The following TYW1 variants were observed in gnomAD, a reference collection of about 807,000 sequenced individuals.
The protein encoded by TYW1 is tRNA-yW synthesizing protein 1 homolog, also known as S-adenosyl-L-methionine-dependent tRNA 4-demethylwyosine synthase TYW1.
A neutral mutation model predicts 96.2 loss-of-function variants in TYW1; 46 were observed. That is an observed-to-expected ratio of 0.48 (90% confidence interval 0.38 to 0.61). TYW1 has a LOEUF of 0.61. Ranked by LOEUF, TYW1 falls within the 20% of genes least tolerant of loss-of-function variation. The pLI is 0.00. For synonymous variants in TYW1, 274 were observed against 323.0 expected, an observed-to-expected ratio of 0.85 and a Z score of 1.63; for missense variants, 684 against 909.6, an observed-to-expected ratio of 0.75 and a Z score of 3.19.
chr7:67,073,555 AG>A (rs1796102593), intron 10 of TYW1, among the ~76,000 whole-genome samples: 1 of 151,432 alleles, frequency 6.6e-6, no homozygotes, highest in African/African-American at 2.4e-5. Flanking sequence ...GCGGATCACG[AG>A]GTCAGGAGTT....
At chr7:67,141,675 C>A (rs1798452689) in intron 13 of TYW1, among the ~76,000 whole-genome samples, 4 of 152,184 alleles carry the variant, frequency 2.6e-5, no homozygotes, top group Admixed American at 2.6e-4. Flanking sequence ...AACCACTGAA[C>A]CTCTGTGAAG....
At chr7:67,121,096 T>C (rs1797745397) in intron 13 of TYW1, among the ~76,000 whole-genome samples, 1 of 152,228 alleles carries the variant, frequency 6.6e-6, no homozygotes, top group African/African-American at 2.4e-5. Flanking sequence ...AATTTTCCTT[T>C]AAATTGACTC....
At chr7:67,012,387 C>T (rs969244537) in intron 4 of TYW1, among the ~76,000 whole-genome samples, 5 of 151,962 alleles carry the variant, frequency 3.3e-5, no homozygotes, top group East Asian at 1.9e-4. Flanking sequence ...AGATGTGGCT[C>T]GTGGATTGTA....
intron 6 of TYW1, among the ~76,000 whole-genome samples, chr7:67,022,907 C>T (rs912492777): frequency 3.3e-5 from 5 of 152,070 alleles, no homozygotes; most frequent in Non-Finnish European, 5.9e-5. Flanking sequence ...AATAGGAGAG[C>T]GTAAGATCGT....
chr7:67,043,787 C>T (rs188947236), intron 7 of TYW1, among the ~76,000 whole-genome samples: 7 of 152,236 alleles, frequency 4.6e-5, no homozygotes, highest in East Asian at 3.9e-4. Context: ...AATAGAATTA[C>T]GGTGTCAGAG....
intron 13 of TYW1, among the ~76,000 whole-genome samples, chr7:67,138,332 AT>A (rs35509436): frequency 0.04 from 6,067 of 151,946 alleles, 172 homozygotes; most frequent in Middle Eastern, 0.1. Flanking sequence ...TTGTTTTTAA[AT>A]TTTAAGTTTT....
Position 67,238,884 on chromosome 7 carries a change from C to A in TYW1, c.*355C>A. ...CGAGAGTGTCAGACAAGGAAGAAGT[C>A]CCTGGGCCTCTTCCCCTTACCCGGC... is the stretch of plus-strand genomic sequence containing the variant. On this transcript the variant is annotated 3_prime_UTR_variant, in exon 16 of 16. Coordinates refer to ENST00000359626, the MANE Select transcript of TYW1 (RefSeq NM_018264.4). 6 of 1,075,052 alleles carry A rather than the reference C, an allele frequency of 5.6e-6. No individual in the cohort carries two copies. The highest frequency in any genetic ancestry group is 6.8e-6 in the Non-Finnish European group (6 of 883,572). 66.6% of individuals were successfully genotyped at this position (1,075,052 alleles called of 1,614,324 possible).
chr7:67,173,294 T>C (rs10256139), intron 13 of TYW1, among the ~76,000 whole-genome samples: 42,148 of 151,714 alleles, frequency 0.28, 6,283 homozygotes, highest in African/African-American at 0.4. Context: ...GTGCTACTTA[T>C]TTGTGGAAGA....
intron 5 of TYW1, among the ~76,000 whole-genome samples, chr7:67,016,559 ATAAAT>A (rs1794031846): frequency 6.6e-6 from 1 of 152,136 alleles, no homozygotes; most frequent in Non-Finnish European, 1.5e-5. Context: ...AAAAAAATAA[ATAAAT>A]AAAATAAAAG....
At position 66,998,198 on chromosome 7, in the gene TYW1, A is replaced by T; in HGVS notation, c.135+3A>T. ...TCCAGATTGTCATCAAGACGCAGGT[A>T]AGTGGAGTTATTTTTTTTTTAATGG... On this transcript the variant is annotated splice_donor_region_variant and intron_variant, in intron 2 of 15. Transcript: ENST00000359626. 6.3e-7 allele frequency: 1 copy of T among 1,591,524 alleles called. No individual in the cohort carries two copies. Among genetic ancestry groups the T allele is most frequent in the East Asian group, 2.2e-5 (1 of 44,744 alleles).
intron 13 of TYW1, among the ~76,000 whole-genome samples, chr7:67,141,998 G>C (rs1272587819): frequency 2.0e-5 from 3 of 152,190 alleles, no homozygotes; most frequent in Admixed American, 6.5e-5. Context: ...TCATGCCATT[G>C]CATTCCAGCC....
At chr7:67,060,264 C>T (rs533868298) in intron 9 of TYW1, among the ~76,000 whole-genome samples, 9 of 152,096 alleles carry the variant, frequency 5.9e-5, no homozygotes, top group South Asian at 2.1e-4. Flanking sequence ...TCAGTAGAGA[C>T]GGGGTTTTGC....
In TYW1 at chr7:66,998,166, A is replaced by G; in HGVS notation, c.106A>G (p.Ile36Val). Residue 36 changes from isoleucine to valine, a missense_variant, in exon 2 of 16, where the codon ATT becomes GTT. By Grantham distance (29) the Ile-to-Val change is conservative. Coordinates refer to ENST00000359626, the MANE Select transcript of TYW1 (RefSeq NM_018264.4). ...LGFAVSISLWICVQIVIKTQG... is the reference protein window; with the variant it reads ...LGFAVSISLWVCVQIVIKTQG... ...CTTTGCTGTTAGCATTAGCCTTTGG[A>G]TTTGTGTCCAGATTGTCATCAAGAC... 1 of 1,609,184 alleles carries G rather than the reference A, an allele frequency of 6.2e-7. No individual in the cohort carries two copies.
At chr7:67,104,933 A>G (rs7794497) in intron 12 of TYW1, among the ~76,000 whole-genome samples, 50,832 of 152,134 alleles carry the variant, frequency 0.33, 9,021 homozygotes, top group African/African-American at 0.45. Context: ...TAATTCTTCA[A>G]ATCAGCCTGG....
intron 14 of TYW1, among the ~76,000 whole-genome samples, chr7:67,189,792 T>C (rs1800152865): frequency 6.6e-6 from 1 of 152,228 alleles, no homozygotes; most frequent in African/African-American, 2.4e-5. Context: ...ATCGATTTCC[T>C]CTTTTCTTTC....
At chr7:67,075,448 G>T (rs999869992) in intron 10 of TYW1, among the ~76,000 whole-genome samples, 1 of 152,102 alleles carries the variant, frequency 6.6e-6, no homozygotes, top group African/African-American at 2.4e-5. Flanking sequence ...CACATGAAAA[G>T]ATATTCATAA....
At chr7:67,060,901 A>C (rs1279672651) in intron 9 of TYW1, among the ~76,000 whole-genome samples, 2 of 152,184 alleles carry the variant, frequency 1.3e-5, no homozygotes, top group Non-Finnish European at 2.9e-5. Context: ...TTTGTGGTTC[A>C]TAAATCAGAC....
intron 11 of TYW1, among the ~76,000 whole-genome samples, chr7:67,095,174 G>T (rs527906824): frequency 1.1e-3 from 171 of 151,954 alleles, no homozygotes; most frequent in African/African-American, 3.9e-3. Flanking sequence ...AATTTTTGTA[G>T]TTTTAGTAGA....
intron 15 of TYW1, among the ~76,000 whole-genome samples, chr7:67,222,806 G>A (rs1227305037): frequency 2.0e-5 from 3 of 149,606 alleles, no homozygotes; most frequent in Non-Finnish European, 4.4e-5. Flanking sequence ...AGATTGCCAC[G>A]TGCAAATGTC....
Sources: gnomAD v4.1 joint callset for allele counts (sites outside exome capture counted in the v4.1 genomes callset) on GRCh38, gnomAD v4.1.1 for gene constraint, MANE v1.5 for transcripts, NCBI Gene and HGNC (gene_info 2026-07-23, HGNC 2026-07-21) for gene names.